The following FGF12 variants were observed in gnomAD, a reference collection of about 807,000 sequenced individuals.
The protein encoded by FGF12 is fibroblast growth factor 12B.
Under a neutral mutation model 23.6 loss-of-function variants are expected in FGF12, and 14 were observed. The ratio of observed to expected loss-of-function variants is 0.59; its 90% CI spans 0.39 to 0.93. FGF12 has a LOEUF of 0.93. Ranked by LOEUF, FGF12 falls within the 40% of genes least tolerant of loss-of-function variation. The pLI is 0.00. For missense variants in FGF12, 175 were observed against 217.8 expected, an observed-to-expected ratio of 0.80 and a Z score of 1.24; for synonymous variants, 62 against 77.3, an observed-to-expected ratio of 0.80 and a Z score of 1.04.
intron 2 of FGF12, among the ~76,000 whole-genome samples, chr3:192,540,361 T>C (rs1017469542): frequency 6.6e-6 from 1 of 152,062 alleles, no homozygotes; most frequent in Non-Finnish European, 1.5e-5. Context: ...TGTTTCAAGA[T>C]TTTTTTCAAT....
intron 2 of FGF12, among the ~76,000 whole-genome samples, chr3:192,665,953 T>C (rs1460682673): frequency 1.3e-5 from 2 of 152,194 alleles, no homozygotes; most frequent in African/African-American, 2.4e-5. Flanking sequence ...GTAGTTTTGT[T>C]TGTTTGTTAT....
chr3:192,512,541 T>G (rs1249097515), intron 2 of FGF12, among the ~76,000 whole-genome samples: 1 of 151,964 alleles, frequency 6.6e-6, no homozygotes, highest in African/African-American at 2.4e-5. Flanking sequence ...ACCATTATTA[T>G]AGTAATTTAC....
chr3:192,710,339 C>A (rs979376593), intron 2 of FGF12, among the ~76,000 whole-genome samples: 3 of 152,106 alleles, frequency 2.0e-5, no homozygotes, highest in Non-Finnish European at 4.4e-5. Flanking sequence ...CTGGCTTTTA[C>A]TTTCATTCCT....
intron 2 of FGF12, among the ~76,000 whole-genome samples, chr3:192,535,418 T>C (rs945463778): frequency 1.3e-5 from 2 of 152,148 alleles, no homozygotes; most frequent in Non-Finnish European, 2.9e-5. Flanking sequence ...GATCAAAACA[T>C]GCACAGAGGA....
intron 2 of FGF12, among the ~76,000 whole-genome samples, chr3:192,476,003 A>G (rs1723310235): frequency 6.6e-6 from 1 of 152,132 alleles, no homozygotes; most frequent in South Asian, 2.1e-4. Context: ...AGCCTAGCCC[A>G]CTCAGCAAAG....
At chr3:192,214,028 A>C (rs1718068990) in intron 4 of FGF12, among the ~76,000 whole-genome samples, 1 of 152,214 alleles carries the variant, frequency 6.6e-6, no homozygotes, top group Non-Finnish European at 1.5e-5. Context: ...CTGTGTGTCC[A>C]TGTAATTTAC....
chr3:192,580,124 T>C (rs1182363958), intron 2 of FGF12, among the ~76,000 whole-genome samples: 2 of 152,172 alleles, frequency 1.3e-5, no homozygotes, highest in East Asian at 3.9e-4. Flanking sequence ...TTTCTTTTTT[T>C]AGAAATCCAA....
chr3:192,616,898 A>G (rs1714777049), intron 2 of FGF12, among the ~76,000 whole-genome samples: 1 of 151,946 alleles, frequency 6.6e-6, no homozygotes, highest in African/African-American at 2.4e-5. Flanking sequence ...ACATGAGAAA[A>G]ATGTGAGAGA....
chr3:192,278,667 T>C (rs1355777952), intron 4 of FGF12, among the ~76,000 whole-genome samples: 1 of 152,174 alleles, frequency 6.6e-6, no homozygotes, highest in Non-Finnish European at 1.5e-5. Context: ...AGGAAAAGCC[T>C]ACATATGGTA....
At chr3:192,481,568 C>G (rs1354196302) in intron 2 of FGF12, among the ~76,000 whole-genome samples, 2 of 152,192 alleles carry the variant, frequency 1.3e-5, no homozygotes, top group Non-Finnish European at 2.9e-5. Context: ...GAATGTTGTT[C>G]AGTGGCATCC....
intron 2 of FGF12, among the ~76,000 whole-genome samples, chr3:192,509,261 C>A (rs80186181): frequency 6.6e-6 from 1 of 152,166 alleles, no homozygotes; most frequent in Non-Finnish European, 1.5e-5. Context: ...AACACAGAGT[C>A]GGGCAAATGG....
intron 4 of FGF12, among the ~76,000 whole-genome samples, chr3:192,190,419 C>T (rs951201668): frequency 4.6e-5 from 7 of 150,878 alleles, no homozygotes; most frequent in African/African-American, 1.7e-4. Context: ...TTTATATAAA[C>T]CAACTATACA....
chr3:192,340,712 G>T (rs1717650648), intron 3 of FGF12, among the ~76,000 whole-genome samples: 1 of 152,132 alleles, frequency 6.6e-6, no homozygotes, highest in South Asian at 2.1e-4. Context: ...TGAAGAGAAA[G>T]TATAGTCTCT....
intron 4 of FGF12, among the ~76,000 whole-genome samples, chr3:192,318,300 T>C (rs770098749): frequency 6.6e-6 from 1 of 152,116 alleles, no homozygotes; most frequent in Non-Finnish European, 1.5e-5. Flanking sequence ...GAATTCAAAA[T>C]AATTGTTTTG....
intron 2 of FGF12, among the ~76,000 whole-genome samples, chr3:192,676,210 G>A (rs906751666): frequency 6.6e-6 from 1 of 152,064 alleles, no homozygotes; most frequent in Non-Finnish European, 1.5e-5. Context: ...AGCAACCCCT[G>A]GCCCAGCTCA....
intron 2 of FGF12, among the ~76,000 whole-genome samples, chr3:192,473,961 C>T (rs939790679): frequency 1.3e-5 from 2 of 152,188 alleles, no homozygotes; most frequent in Non-Finnish European, 2.9e-5. Flanking sequence ...CTCACCTAGA[C>T]TCATGCCCTG....
intron 2 of FGF12, among the ~76,000 whole-genome samples, chr3:192,608,802 G>A (rs1364195820): frequency 6.6e-6 from 1 of 152,108 alleles, no homozygotes; most frequent in African/African-American, 2.4e-5. Context: ...TAACCCTTAT[G>A]CCAATTTGAT....
At chr3:192,191,451 T>C (rs1217586054) in intron 4 of FGF12, among the ~76,000 whole-genome samples, 1 of 152,148 alleles carries the variant, frequency 6.6e-6, no homozygotes, top group African/African-American at 2.4e-5. Context: ...ATGCTGATAA[T>C]GTGGAGGCTA....
At chr3:192,468,639 T>C (rs1381284269) in intron 2 of FGF12, among the ~76,000 whole-genome samples, 2 of 152,216 alleles carry the variant, frequency 1.3e-5, no homozygotes, top group Non-Finnish European at 2.9e-5. Context: ...CTACTAGTGA[T>C]GATTAACTTT....
Sources: gnomAD v4.1 joint callset for allele counts (sites outside exome capture counted in the v4.1 genomes callset) on GRCh38, gnomAD v4.1.1 for gene constraint, MANE v1.5 for transcripts, NCBI Gene and HGNC (gene_info 2026-07-23, HGNC 2026-07-21) for gene names.